The following SOX5 variants were observed in gnomAD, a reference collection of about 807,000 sequenced individuals.
SOX5 encodes the protein transcription factor SOX-5.
In SOX5, 9 loss-of-function variants were observed where a neutral mutation model predicts 92.0. The ratio of observed to expected loss-of-function variants is 0.10; its 90% CI spans 0.06 to 0.17. The LOEUF is 0.17. Ranked by LOEUF, SOX5 falls within the 10% of genes least tolerant of loss-of-function variation. The probability of loss-of-function intolerance (pLI) is 1.00; values close to 1 mark genes in which losing one functional copy is unlikely to be tolerated. For missense variants in SOX5, 642 were observed against 944.5 expected, an observed-to-expected ratio of 0.68 and a Z score of 4.20; for synonymous variants, 344 against 336.3, an observed-to-expected ratio of 1.02 and a Z score of -0.25.
chr12:24,417,767 G>A (rs189191345), intron 1 of SOX5, among the ~76,000 whole-genome samples: 2 of 152,266 alleles, frequency 1.3e-5, no homozygotes, highest in African/African-American at 4.8e-5. Flanking sequence ...TTAGCCATGG[G>A]TCAAGAAAAA....
At chr12:24,271,107 A>G (rs778799830) in intron 3 of SOX5, among the ~76,000 whole-genome samples, 1 of 152,248 alleles carries the variant, frequency 6.6e-6, no homozygotes, top group Non-Finnish European at 1.5e-5. Context: ...ATCTAAAAGT[A>G]GTTGTTCCAA....
At chr12:24,180,667 T>C (rs1168997611) in intron 4 of SOX5, among the ~76,000 whole-genome samples, 2 of 152,208 alleles carry the variant, frequency 1.3e-5, no homozygotes, top group African/African-American at 4.8e-5. Flanking sequence ...TTTTCCCCTA[T>C]CCAAGCATCA....
intron 2 of SOX5, among the ~76,000 whole-genome samples, chr12:24,338,249 A>C (rs745464346): frequency 2.0e-5 from 3 of 152,148 alleles, no homozygotes; most frequent in Non-Finnish European, 4.4e-5. Flanking sequence ...TAGATATTTT[A>C]ATTATTTCCT....
intron 1 of SOX5, among the ~76,000 whole-genome samples, chr12:24,398,906 C>A (rs1960775412): frequency 6.6e-6 from 1 of 152,156 alleles, no homozygotes; most frequent in East Asian, 1.9e-4. Flanking sequence ...TGACCTCGGG[C>A]TCCACACCTG....
intron 4 of SOX5, among the ~76,000 whole-genome samples, chr12:23,749,858 C>G (rs952384063): frequency 6.6e-6 from 1 of 151,824 alleles, no homozygotes. Flanking sequence ...TTTCACTTGT[C>G]ATTCCTTCCT....
At chr12:24,524,875 G>A (rs780905328) in intron 1 of SOX5, among the ~76,000 whole-genome samples, 9 of 151,982 alleles carry the variant, frequency 5.9e-5, no homozygotes, top group South Asian at 2.1e-4. Flanking sequence ...TAATTAAATC[G>A]GCTGGGCCTG....
intron 4 of SOX5, among the ~76,000 whole-genome samples, chr12:24,013,234 T>C (rs1264995153): frequency 1.3e-5 from 2 of 152,156 alleles, no homozygotes; most frequent in African/African-American, 4.8e-5. Context: ...TAAGTGCACA[T>C]TAGAGCTCCA....
chr12:23,822,834 T>A (rs562626341), intron 3 of SOX5, among the ~76,000 whole-genome samples: 1 of 152,354 alleles, frequency 6.6e-6, no homozygotes, highest in African/African-American at 2.4e-5. Flanking sequence ...ACATTTAGAA[T>A]AGTTAACTCT....
chr12:23,591,670 T>A (rs1951577486), intron 9 of SOX5, among the ~76,000 whole-genome samples: 1 of 152,144 alleles, frequency 6.6e-6, no homozygotes, highest in Non-Finnish European at 1.5e-5. Context: ...ATTCTTGCCT[T>A]GCCCTGTATT....
intron 3 of SOX5, among the ~76,000 whole-genome samples, chr12:23,767,424 A>G (rs1381483613): frequency 6.6e-6 from 1 of 152,196 alleles, no homozygotes; most frequent in Non-Finnish European, 1.5e-5. Context: ...GAATCACGTT[A>G]CAAGCAATTT....
At chr12:23,872,025 T>C (rs929994975) in intron 2 of SOX5, among the ~76,000 whole-genome samples, 10 of 150,258 alleles carry the variant, frequency 6.7e-5, no homozygotes, top group Non-Finnish European at 1.0e-4. Context: ...TGAGACGGAG[T>C]CTTGCTCTGT....
chr12:23,843,277 A>G (rs2096538698), intron 3 of SOX5, among the ~76,000 whole-genome samples: 1 of 152,242 alleles, frequency 6.6e-6, no homozygotes, highest in South Asian at 2.1e-4. Flanking sequence ...AAAACAGAAA[A>G]AGCACACTTG....
At chr12:23,948,553 T>A (rs1939984909) in intron 1 of SOX5, among the ~76,000 whole-genome samples, 1 of 151,698 alleles carries the variant, frequency 6.6e-6, no homozygotes, top group Non-Finnish European at 1.5e-5. Context: ...GTAGCTTTCA[T>A]GAAAATGAAA....
At chr12:24,286,189 A>C (rs1309160300) in intron 2 of SOX5, among the ~76,000 whole-genome samples, 1 of 152,238 alleles carries the variant, frequency 6.6e-6, no homozygotes, top group African/African-American at 2.4e-5. Flanking sequence ...CAGTAAAAAA[A>C]GAGAAAAAAG....
intron 11 of SOX5, among the ~76,000 whole-genome samples, chr12:23,558,955 A>C (rs1265645580): frequency 6.6e-6 from 1 of 152,156 alleles, no homozygotes; most frequent in Admixed American, 6.5e-5. Flanking sequence ...ATGTAGCGAA[A>C]CTCGTTCCTA....
intron 4 of SOX5, among the ~76,000 whole-genome samples, chr12:24,078,007 CAT>C (rs1233055798): frequency 6.6e-6 from 1 of 151,486 alleles, no homozygotes; most frequent in Non-Finnish European, 1.5e-5. Context: ...AGTGCACAGA[CAT>C]ATTATTAGAA....
At chr12:24,231,180 G>A (rs1302657850) in intron 3 of SOX5, among the ~76,000 whole-genome samples, 1 of 152,196 alleles carries the variant, frequency 6.6e-6, no homozygotes, top group African/African-American at 2.4e-5. Context: ...TTATTCAGAG[G>A]AGCTGCTCTT....
At chr12:24,077,781 AT>A (rs1942824130) in intron 4 of SOX5, among the ~76,000 whole-genome samples, 3 of 126,036 alleles carry the variant, frequency 2.4e-5, no homozygotes, top group African/African-American at 9.0e-5. Context: ...TCATATATAT[AT>A]ATATATATAT....
chr12:24,487,997 C>T (rs1566288500), intron 1 of SOX5, among the ~76,000 whole-genome samples: 1 of 152,176 alleles, frequency 6.6e-6, no homozygotes, highest in Non-Finnish European at 1.5e-5. Context: ...ACCTTTATCA[C>T]CCAACTGAAA....
Sources: allele counts gnomAD v4.1 joint callset (sites outside exome capture counted in the v4.1 genomes callset), GRCh38; gene constraint gnomAD v4.1.1; transcripts MANE v1.5; gene names NCBI Gene and HGNC (gene_info 2026-07-23, HGNC 2026-07-21).